The following PRIM2 variants were observed in gnomAD, a reference collection of about 807,000 sequenced individuals.
The protein encoded by PRIM2 is DNA primase subunit 2.
PRIM2 carries 39 observed loss-of-function variants against 67.3 expected under a neutral mutation model. That is an observed-to-expected ratio of 0.58 (90% CI 0.45 to 0.76). The LOEUF (loss-of-function observed/expected upper bound fraction) is 0.76, where lower values mean the gene tolerates loss of function less well. Ranked by LOEUF, PRIM2 falls within the 30% of genes least tolerant of loss-of-function variation. The pLI is 0.00. For synonymous variants in PRIM2, 143 were observed against 198.7 expected (o/e 0.72, Z 2.36); for missense variants, 398 against 598.7 (o/e 0.66, Z 3.50).
chr6:57,402,409 A>G (rs1448810408), intron 7 of PRIM2, among the ~76,000 whole-genome samples: 1 of 152,192 alleles, frequency 6.6e-6, no homozygotes, highest in Non-Finnish European at 1.5e-5. Flanking sequence ...GGTCCTCAAG[A>G]ACTCTCTTTG....
chr6:57,571,479 G>T (rs1409431257), intron 10 of PRIM2, among the ~76,000 whole-genome samples: 10 of 152,050 alleles, frequency 6.6e-5, no homozygotes, highest in Non-Finnish European at 1.5e-4. Context: ...GTGAGACCCA[G>T]TCTCTACTAA....
chr6:57,371,087 T>C (rs1769539026), intron 5 of PRIM2, among the ~76,000 whole-genome samples: 1 of 151,832 alleles, frequency 6.6e-6, no homozygotes, highest in Non-Finnish European at 1.5e-5. Context: ...AGAAGAAATA[T>C]TGCATTAAAC....
At chr6:57,226,013 A>G in the PRIM2 span, among the ~76,000 whole-genome samples, 1 of 152,182 alleles carries the variant, frequency 6.6e-6, no homozygotes, top group East Asian at 1.9e-4. Context: ...ATCCTCATCT[A>G]TAGTAAGGAG....
intron 13 of PRIM2, among the ~76,000 whole-genome samples, chr6:57,639,242 T>C (rs1777181456): frequency 1.3e-5 from 2 of 152,036 alleles, no homozygotes; most frequent in Admixed American, 6.6e-5. Flanking sequence ...CTCTGGGACA[T>C]AGCCAAGGCA....
At chr6:57,280,887 T>G in the PRIM2 span, among the ~76,000 whole-genome samples, 33 of 152,302 alleles carry the variant, frequency 2.2e-4, no homozygotes, top group African/African-American at 7.5e-4. Flanking sequence ...CATTTTTAGG[T>G]GTATATTTCA....
Position 57,320,545 on chromosome 6 carries a change from C to G in PRIM2, c.243C>G (p.Leu81=). ...AGTTGGAGAGTGAGCTTCGGAAGCT[C>G]AAGTTTTCCTACAGAGTAAGTAAAA... ...QSKLESELRK[L]KFSYRENLED... is the part of the protein sequence containing the mutation. The change falls in exon 3 of 14, where the codon CTC becomes CTG. Residue 81 remains leucine, a synonymous_variant. Transcript: ENST00000615550. The G allele has an allele frequency of 6.2e-7, 1 of 1,604,576 alleles. No homozygotes were observed. The highest frequency in any genetic ancestry group is 8.5e-7 in the Non-Finnish European group (1 of 1,176,768).
chr6:57,486,879 C>G, intron 7 of PRIM2, among the ~76,000 whole-genome samples: 1 of 152,114 alleles, frequency 6.6e-6, no homozygotes, highest in East Asian at 1.9e-4. Flanking sequence ...ATATAAAAGC[C>G]TTAATCTTTT....
At chr6:57,336,697 C>G (rs975168442) in intron 5 of PRIM2, among the ~76,000 whole-genome samples, 5 of 152,082 alleles carry the variant, frequency 3.3e-5, no homozygotes, top group African/African-American at 1.2e-4. Flanking sequence ...CCTAAAAGAG[C>G]TCCTGAAGGA....
chr6:57,579,798 T>C (rs1776047660), intron 10 of PRIM2, among the ~76,000 whole-genome samples: 1 of 152,034 alleles, frequency 6.6e-6, no homozygotes, highest in South Asian at 2.1e-4. Flanking sequence ...AAGGTGGGCA[T>C]GGGGAGGGAG....
chr6:57,375,687 T>C (rs1329290404), intron 5 of PRIM2, among the ~76,000 whole-genome samples: 1 of 151,852 alleles, frequency 6.6e-6, no homozygotes, highest in African/African-American at 2.4e-5. Context: ...TTTTTTTTTT[T>C]TTAAAGTAGC....
At chr6:57,229,549 G>A in the PRIM2 span, among the ~76,000 whole-genome samples, 1 of 151,206 alleles carries the variant, frequency 6.6e-6, no homozygotes. Context: ...GTGCAGTGGT[G>A]CGATCTTGGC....
intron 13 of PRIM2, among the ~76,000 whole-genome samples, chr6:57,644,161 C>T (rs1777294122): frequency 6.6e-6 from 1 of 152,144 alleles, no homozygotes; most frequent in African/African-American, 2.4e-5. Context: ...CAGGCTGGCC[C>T]CTGCCTGTCT....
chr6:57,329,684 T>A (rs1230740723), intron 5 of PRIM2, among the ~76,000 whole-genome samples: 1 of 152,184 alleles, frequency 6.6e-6, no homozygotes, highest in African/African-American at 2.4e-5. Context: ...CCATCTGCCA[T>A]GATTGTAAGT....
chr6:57,284,551 C>T, the PRIM2 span, among the ~76,000 whole-genome samples: 295 of 152,260 alleles, frequency 1.9e-3, 2 homozygotes, highest in African/African-American at 7.0e-3. Flanking sequence ...CTCTCTCCAT[C>T]ATCACTCACC....
At chr6:57,233,950 G>T in the PRIM2 span, among the ~76,000 whole-genome samples, 1 of 152,012 alleles carries the variant, frequency 6.6e-6, no homozygotes, top group African/African-American at 2.4e-5. Context: ...CATGTAAGCC[G>T]CCATCTCTGG....
chr6:57,389,298 G>C lies in PRIM2; in HGVS notation c.693+7130G>C, dbSNP rs567410792. ...GTTTTTATTAATAAAAGTTTATGTA[G>C]AGTTGGGGATATCCCTATGTTGCCT... On this transcript the variant is annotated intron_variant, in intron 7 of 13. Coordinates refer to ENST00000615550, the MANE Select transcript of PRIM2 (RefSeq NM_000947.5). Among the ~76,000 whole-genome samples, 586 of 152,146 alleles carry C rather than the reference G, an allele frequency of 3.9e-3. 3 individuals carry two copies. Among genetic ancestry groups the C allele is most frequent in the African/African-American group, 0.013 (550 of 41,530 alleles).
chr6:57,252,111 C>T, the PRIM2 span, among the ~76,000 whole-genome samples: 76 of 152,154 alleles, frequency 5.0e-4, no homozygotes, highest in Non-Finnish European at 1.5e-5. Context: ...GACTGTATTC[C>T]TTCCTTAATT....
the PRIM2 span, among the ~76,000 whole-genome samples, chr6:57,238,445 A>G: frequency 6.6e-6 from 1 of 152,192 alleles, no homozygotes; most frequent in Admixed American, 6.5e-5. Context: ...AAACTGAACA[A>G]CCTGCTCCTG....
At chr6:57,328,289 C>T (rs889857473) in intron 5 of PRIM2, among the ~76,000 whole-genome samples, 2 of 152,172 alleles carry the variant, frequency 1.3e-5, no homozygotes, top group African/African-American at 4.8e-5. Flanking sequence ...ATCAACACTA[C>T]TATGTAATTT....
Sources: allele counts gnomAD v4.1 joint callset (sites outside exome capture counted in the v4.1 genomes callset), GRCh38; gene constraint gnomAD v4.1.1; transcripts MANE v1.5; gene names NCBI Gene and HGNC (gene_info 2026-07-23, HGNC 2026-07-21).